FAM163A: variants seen among roughly 807,000 people sequenced by gnomAD.
FAM163A encodes the protein protein FAM163A.
In FAM163A, 7 loss-of-function variants were observed where a neutral mutation model predicts 12.0. The observed-to-expected ratio is 0.58, with a 90% CI of 0.33 to 1.10. The LOEUF (loss-of-function observed/expected upper bound fraction) is 1.10. Ranked by LOEUF, FAM163A falls within the 50% of genes least tolerant of loss-of-function variation. The pLI, the probability that FAM163A is intolerant of heterozygous loss-of-function variation, is 0.03. For missense variants in FAM163A, 202 were observed against 218.6 expected (o/e 0.92, Z 0.48); for synonymous variants, 101 against 91.0 (o/e 1.11, Z -0.62).
At chr1:179,801,668 G>A (rs1294884368) in intron 1 of FAM163A, among the ~76,000 whole-genome samples, 2 of 152,112 alleles carry the variant, frequency 1.3e-5, no homozygotes, top group African/African-American at 4.8e-5. Context: ...CAGAAAATAG[G>A]GTTTAAACTC....
chr1:179,779,123 G>A (rs917537462), intron 1 of FAM163A, among the ~76,000 whole-genome samples: 4 of 152,208 alleles, frequency 2.6e-5, no homozygotes, highest in African/African-American at 9.6e-5. Context: ...TATTAACGGT[G>A]ATTAATTTGG....
chr1:179,811,107 T>G (rs1571602095), intron 2 of FAM163A, among the ~76,000 whole-genome samples: 2 of 149,006 alleles, frequency 1.3e-5, no homozygotes, highest in Non-Finnish European at 3.0e-5. Flanking sequence ...GAAAGGGAGG[T>G]GAGGAGGGAA....
At chr1:179,731,152 G>A in the FAM163A span, among the ~76,000 whole-genome samples, 614 of 152,226 alleles carry the variant, frequency 4.0e-3, 3 homozygotes, top group Non-Finnish European at 4.2e-3. Flanking sequence ...TGCTTTCTTC[G>A]TTAGGTTTAA....
intron 1 of FAM163A, among the ~76,000 whole-genome samples, chr1:179,747,692 G>A (rs1188999382): frequency 6.6e-6 from 1 of 152,220 alleles, no homozygotes; most frequent in African/African-American, 2.4e-5. Context: ...GTAAGCTGCA[G>A]CACAGGCGCA....
At chr1:179,804,871 G>A (rs1335678363) in intron 1 of FAM163A, among the ~76,000 whole-genome samples, 1 of 152,122 alleles carries the variant, frequency 6.6e-6, no homozygotes, top group Non-Finnish European at 1.5e-5. Flanking sequence ...TTAATACCTG[G>A]GTGATGAAAT....
the FAM163A span, among the ~76,000 whole-genome samples, chr1:179,735,278 T>TA: frequency 6.6e-6 from 1 of 152,144 alleles, no homozygotes; most frequent in East Asian, 1.9e-4. Flanking sequence ...AAAATCTTCT[T>TA]AAAAGCATCA....
intron 1 of FAM163A, among the ~76,000 whole-genome samples, chr1:179,762,191 G>T (rs986021651): frequency 5.3e-5 from 8 of 152,222 alleles, no homozygotes; most frequent in Admixed American, 2.0e-4. Flanking sequence ...GGCAGGGAGA[G>T]ATAATCATGT....
At chr1:179,813,648 GC>G in intron 4 of FAM163A, 130 bp from the exon 5 acceptor site, 2 of 1,008,816 alleles carry the variant, frequency 2.0e-6, no homozygotes, top group Non-Finnish European at 2.9e-6. Context: ...TGTGGAGCAG[GC>G]CCCTGGGGTT....
chr1:179,752,917 C>T (rs1439261686), intron 1 of FAM163A, among the ~76,000 whole-genome samples: 1 of 152,098 alleles, frequency 6.6e-6, no homozygotes, highest in African/African-American at 2.4e-5. Flanking sequence ...AATAAAACTA[C>T]CATATGATCC....
At chr1:179,790,091 T>C (rs953355237) in intron 1 of FAM163A, among the ~76,000 whole-genome samples, 1 of 152,170 alleles carries the variant, frequency 6.6e-6, no homozygotes, top group Non-Finnish European at 1.5e-5. Flanking sequence ...GTTTGAAGTA[T>C]GACCCTCAAC....
In FAM163A at chr1:179,815,428, A is replaced by T. The variant is rs1480759316; in HGVS notation, c.*1239A>T. 1 of 152,238 alleles carries T rather than the reference A, an allele frequency of 6.6e-6. No homozygotes were observed. Among genetic ancestry groups the T allele is most frequent in the Non-Finnish European group, 1.5e-5 (1 of 68,090 alleles). 9.4% of individuals were successfully genotyped at this position (152,238 alleles called of 1,614,324 possible). On this transcript the variant is annotated 3_prime_UTR_variant, in exon 5 of 5. Transcript: ENST00000341785. ...TGTGACGCCGTGGAGCAGGATCTTC[A>T]TTCATCTCACCAGAGCAACAGCCCA...
intron 1 of FAM163A, among the ~76,000 whole-genome samples, chr1:179,804,419 A>G (rs1382311432): frequency 6.6e-6 from 1 of 152,206 alleles, no homozygotes; most frequent in Non-Finnish European, 1.5e-5. Context: ...TGTGTTAAAC[A>G]AGTCATTTGT....
At chr1:179,751,229 T>G (rs1221766118) in intron 1 of FAM163A, among the ~76,000 whole-genome samples, 1 of 151,686 alleles carries the variant, frequency 6.6e-6, no homozygotes, top group Non-Finnish European at 1.5e-5. Context: ...TGAGAGTGCC[T>G]AGGGAGAGAG....
At chr1:179,768,464 G>A (rs1182858068) in intron 1 of FAM163A, among the ~76,000 whole-genome samples, 1 of 152,186 alleles carries the variant, frequency 6.6e-6, no homozygotes, top group African/African-American at 2.4e-5. Context: ...GTCTAACATG[G>A]TGTTAGTGAA....
intron 1 of FAM163A, among the ~76,000 whole-genome samples, chr1:179,744,680 G>A (rs1684196773): frequency 6.6e-6 from 1 of 152,112 alleles, no homozygotes. Flanking sequence ...CATCCAACCT[G>A]CAGGCGGAGG....
chr1:179,760,478 A>C (rs1248273548), intron 1 of FAM163A, among the ~76,000 whole-genome samples: 1 of 152,240 alleles, frequency 6.6e-6, no homozygotes, highest in Middle Eastern at 3.2e-3. Context: ...TGAGAAGGTG[A>C]CACCTAAACT....
At chr1:179,779,167 A>T (rs936798373) in intron 1 of FAM163A, among the ~76,000 whole-genome samples, 1 of 152,214 alleles carries the variant, frequency 6.6e-6, no homozygotes, top group Admixed American at 6.5e-5. Flanking sequence ...TCTTTTCCTT[A>T]CACTTTTATC....
intron 1 of FAM163A, among the ~76,000 whole-genome samples, chr1:179,786,662 C>T (rs1157548627): frequency 2.0e-5 from 3 of 152,146 alleles, no homozygotes; most frequent in Admixed American, 6.5e-5. Context: ...AGTATTATAC[C>T]CATTAACAAA....
At chr1:179,810,248 A>T (rs939258250) in intron 2 of FAM163A, among the ~76,000 whole-genome samples, 1 of 152,136 alleles carries the variant, frequency 6.6e-6, no homozygotes, top group African/African-American at 2.4e-5. Context: ...CATGAAGGGC[A>T]TTGCAATAGG....
Sources: allele counts gnomAD v4.1 joint callset (sites outside exome capture counted in the v4.1 genomes callset), GRCh38; gene constraint gnomAD v4.1.1; transcripts MANE v1.5; gene names NCBI Gene and HGNC (gene_info 2026-07-23, HGNC 2026-07-21).